The following FAM135B variants were observed in gnomAD, a reference collection of about 807,000 sequenced individuals.
FAM135B encodes family with sequence similarity 135 member B.
FAM135B carries 43 observed loss-of-function variants against 127.7 expected under a neutral mutation model. The ratio of observed to expected loss-of-function variants is 0.34; its 90% CI spans 0.26 to 0.43. FAM135B has a LOEUF of 0.43. FAM135B is among the 20% of genes least tolerant of loss of function. The probability of loss-of-function intolerance (pLI) is 1.00; values close to 1 mark genes in which losing one functional copy is unlikely to be tolerated. For missense variants in FAM135B, 1,558 were observed against 1,725.6 expected (o/e 0.90, Z 1.72); for synonymous variants, 670 against 665.1 (o/e 1.01, Z -0.11).
At chr8:138,289,907 C>T (rs2130789940) in intron 3 of FAM135B, among the ~76,000 whole-genome samples, 1 of 152,306 alleles carries the variant, frequency 6.6e-6, no homozygotes, top group East Asian at 1.9e-4. Context: ...CCAGTGGCAC[C>T]ATCAGAGTTG....
chr8:138,390,456 A>G (rs1345913876), intron 1 of FAM135B, among the ~76,000 whole-genome samples: 2 of 152,160 alleles, frequency 1.3e-5, no homozygotes, highest in African/African-American at 4.8e-5. Context: ...CCCCACCCAC[A>G]TGGAACTGTG....
chr8:138,400,469 C>A (rs1833096187), intron 1 of FAM135B, among the ~76,000 whole-genome samples: 1 of 152,052 alleles, frequency 6.6e-6, no homozygotes, highest in Non-Finnish European at 1.5e-5. Context: ...CCAGTTTATC[C>A]CAGTCTCACC....
rs1010052821 is a variant in FAM135B at position 138,418,900 on chromosome 8, AC to A, written c.-19-50899del. Among the ~76,000 whole-genome samples the A allele has an allele frequency of 2.0e-4, 31 of 151,516 alleles. 1 individual carries two copies. The highest frequency in any genetic ancestry group is 2.5e-4 in the Non-Finnish European group (17 of 67,800). On this transcript the variant is annotated intron_variant, in intron 1 of 19. Coordinates refer to ENST00000395297, the MANE Select transcript of FAM135B (RefSeq NM_015912.4). ...CACCAACCACAAAAAAAAAAAAAAA[AC>A]ATACTTAAGCACATAGCGCACTGAC...
chr8:138,213,399 A>G (rs1423025540), intron 7 of FAM135B, among the ~76,000 whole-genome samples: 1 of 152,084 alleles, frequency 6.6e-6, no homozygotes, highest in Non-Finnish European at 1.5e-5. Flanking sequence ...ATGTCATCTC[A>G]TTTTCCCTCA....
intron 3 of FAM135B, among the ~76,000 whole-genome samples, chr8:138,289,779 C>T (rs772252259): frequency 1.3e-5 from 2 of 152,174 alleles, no homozygotes; most frequent in Non-Finnish European, 2.9e-5. Context: ...CCCAATCATC[C>T]TGGGAGTTGG....
In FAM135B at chr8:138,151,111, G is replaced by C. The variant is rs62532123; in HGVS notation, c.3281+83C>G. Reference sequence around the variant, plus strand: ...AGAAAATCACAGATATCTAAATTTTGAAACAGTATGCATGAAATGGAGAAA... The same window carrying C: ...AGAAAATCACAGATATCTAAATTTTCAAACAGTATGCATGAAATGGAGAAA... On this transcript the variant is annotated intron_variant, in intron 13 of 19. Coordinates refer to ENST00000395297, the MANE Select transcript of FAM135B (RefSeq NM_015912.4). 3 of 989,878 alleles carry C rather than the reference G, an allele frequency of 3.0e-6. No homozygotes were observed. The East Asian group carries it at 8.3e-5, about 27-fold the overall frequency. 61.3% of individuals were successfully genotyped at this position (989,878 alleles called of 1,614,324 possible). A position where few individuals can be genotyped will look rare whatever the true frequency, so the allele number is the denominator to read the frequency against.
intron 2 of FAM135B, 140 bp downstream of exon 2, chr8:138,367,767 A>G: frequency 8.9e-6 from 6 of 672,504 alleles, no homozygotes; most frequent in South Asian, 1.9e-5. Flanking sequence ...TGACTTGGCA[A>G]GAAAACACAA....
chr8:138,139,130 CACAAA>C, intron 17 of FAM135B, 34 bp from the exon 18 acceptor site: 2 of 1,411,402 alleles, frequency 1.4e-6, no homozygotes, highest in Non-Finnish European at 2.0e-6. Context: ...AAATCAAAAA[CACAAA>C]ACAAAACAAA....
At chr8:138,360,821 C>G (rs1830375432) in intron 2 of FAM135B, among the ~76,000 whole-genome samples, 1 of 152,142 alleles carries the variant, frequency 6.6e-6, no homozygotes, top group Admixed American at 6.6e-5. Context: ...TGGTCTTCAA[C>G]CAGAGTCACC....
At chr8:138,384,942 G>A (rs943080654) in intron 1 of FAM135B, among the ~76,000 whole-genome samples, 12 of 152,086 alleles carry the variant, frequency 7.9e-5, no homozygotes, top group African/African-American at 2.7e-4. Flanking sequence ...ATCCTCCAGC[G>A]ACCTCTCGTT....
chr8:138,387,749 G>T (rs977900528), intron 1 of FAM135B, among the ~76,000 whole-genome samples: 2 of 152,144 alleles, frequency 1.3e-5, no homozygotes, highest in East Asian at 3.9e-4. Context: ...CAGGTACCCA[G>T]TGCCAGAGAG....
chr8:138,142,011 A>G (rs1363716085), intron 16 of FAM135B, among the ~76,000 whole-genome samples: 1 of 152,188 alleles, frequency 6.6e-6, no homozygotes, highest in Non-Finnish European at 1.5e-5. Flanking sequence ...GTGTCACCCT[A>G]TGAAACTGCC....
At chr8:138,188,269 G>A (rs1815768500) in intron 9 of FAM135B, among the ~76,000 whole-genome samples, 1 of 152,152 alleles carries the variant, frequency 6.6e-6, no homozygotes, top group South Asian at 2.1e-4. Context: ...CCTAGAGGAG[G>A]GCATCATAGG....
intron 1 of FAM135B, among the ~76,000 whole-genome samples, chr8:138,454,769 CAACT>C (rs1836685460): frequency 6.6e-6 from 1 of 152,198 alleles, no homozygotes; most frequent in African/African-American, 2.4e-5. Context: ...GGAATGGAAA[CAACT>C]AACTACTGCG....
chr8:138,167,837 G>C (rs2130897961), intron 12 of FAM135B, 58 bp downstream of exon 12: 1 of 1,525,946 alleles, frequency 6.6e-7, no homozygotes, highest in Non-Finnish European at 8.8e-7. Context: ...CTGTGCCATT[G>C]TCAGAATCCC....
chr8:138,310,280 G>A (rs750165229), intron 3 of FAM135B, among the ~76,000 whole-genome samples: 29 of 152,190 alleles, frequency 1.9e-4, no homozygotes, highest in Middle Eastern at 3.4e-3. Flanking sequence ...TTTCTGGCAT[G>A]GTAAGTTCTC....
At chr8:138,157,613 A>G (rs901803409) in intron 12 of FAM135B, among the ~76,000 whole-genome samples, 8 of 152,208 alleles carry the variant, frequency 5.3e-5, no homozygotes, top group African/African-American at 1.9e-4. Flanking sequence ...AGTATACAAA[A>G]TCAATGTGCA....
At chr8:138,485,137 G>A (rs571303049) in intron 1 of FAM135B, among the ~76,000 whole-genome samples, 1 of 152,280 alleles carries the variant, frequency 6.6e-6, no homozygotes, top group Admixed American at 6.5e-5. Flanking sequence ...AATTTCTGAT[G>A]TAATCTATTT....
chr8:138,152,581 T>C lies in FAM135B; in HGVS notation c.1894A>G (p.Ser632Gly). 1 of 1,614,186 alleles carries C rather than the reference T, an allele frequency of 6.2e-7. No homozygotes were observed. Among genetic ancestry groups the C allele is most frequent in the Non-Finnish European group, 8.5e-7 (1 of 1,180,032 alleles). ...GGCTCAGAGGGGGTGAGTTTCAAGC[T>C]TAGCAGCACCATCTTCCCCTCTTGA... ...IDQEGKMVLLSLKLTPSEPCD... is the reference protein window; with the variant it reads ...IDQEGKMVLLGLKLTPSEPCD... The change falls in exon 13 of 20, where the codon AGC (serine) becomes GGC (glycine). Residue 632 changes from serine (S) to glycine (G), a missense_variant. By Grantham distance (56) the Ser-to-Gly change is moderately conservative. This residue lies in a region of FAM135B where 923 missense variants were observed against 865.3 expected (regional missense o/e 1.07). Coordinates refer to ENST00000395297, the MANE Select transcript of FAM135B (RefSeq NM_015912.4).
Sources: allele counts gnomAD v4.1 joint callset (sites outside exome capture counted in the v4.1 genomes callset), GRCh38; gene constraint gnomAD v4.1.1; regional missense constraint gnomAD v4.1.1; transcripts MANE v1.5; gene names NCBI Gene and HGNC (gene_info 2026-07-23, HGNC 2026-07-21).